ASIP: variants seen among roughly 807,000 people sequenced by gnomAD.
ASIP encodes the protein agouti signaling protein, also known as agouti-signaling protein.
In ASIP, 11 loss-of-function variants were observed where a neutral mutation model predicts 10.3. The observed-to-expected ratio is 1.07, with a 90% CI of 0.68 to 1.78. The LOEUF is 1.78. Among genes scored for constraint, ASIP ranks in the 40% most tolerant of loss-of-function variants. ASIP has a pLI of 0.00. For missense variants in ASIP, 180 were observed against 169.2 expected (o/e 1.06, Z -0.35); for synonymous variants, 70 against 70.8 (o/e 0.99, Z 0.06).
chr20:34,198,386 G>C (rs899544226), intron 1 of ASIP, among the ~76,000 whole-genome samples: 2 of 151,940 alleles, frequency 1.3e-5, no homozygotes, highest in Non-Finnish European at 2.9e-5. Context: ...CACCGAGCCC[G>C]GTCATTGCTT....
At chr20:34,216,366 G>A (rs2035009074) in intron 1 of ASIP, among the ~76,000 whole-genome samples, 1 of 152,232 alleles carries the variant, frequency 6.6e-6, no homozygotes, top group Non-Finnish European at 1.5e-5. Context: ...CAGCCCGCGG[G>A]CTGGGGCCGT....
chr20:34,240,097 A>G (rs955718845), upstream of ASIP, among the ~76,000 whole-genome samples: 1 of 152,200 alleles, frequency 6.6e-6, no homozygotes, highest in Non-Finnish European at 1.5e-5. Flanking sequence ...GAAATGTTCT[A>G]TACTGTTTTG....
intron 1 of ASIP, among the ~76,000 whole-genome samples, chr20:34,223,382 C>T (rs1260125075): frequency 4.6e-5 from 7 of 151,288 alleles, no homozygotes. Context: ...TGAGGAGACC[C>T]TCTGCCTGGC....
At chr20:34,240,294 C>G (rs568014853), upstream of ASIP, among the ~76,000 whole-genome samples, 2 of 152,160 alleles carry the variant, frequency 1.3e-5, no homozygotes, top group African/African-American at 4.8e-5. Flanking sequence ...AGCAGCTGGG[C>G]TTGTGAAAAA....
intron 1 of ASIP, among the ~76,000 whole-genome samples, chr20:34,249,589 G>A (rs947928461): frequency 6.6e-6 from 1 of 152,144 alleles, no homozygotes; most frequent in Admixed American, 6.5e-5. Context: ...CCAATGGCTT[G>A]GTTTAATGCT....
chr20:34,240,332 C>T (rs1374117254), upstream of ASIP, among the ~76,000 whole-genome samples: 2 of 152,072 alleles, frequency 1.3e-5, no homozygotes, highest in Non-Finnish European at 2.9e-5. Flanking sequence ...GTGCTGTGCC[C>T]CAAGTGCTTC....
chr20:34,215,303 T>G, intron 1 of ASIP: 1 of 1,541,678 alleles, frequency 6.5e-7, no homozygotes, highest in Non-Finnish European at 9.0e-7. Context: ...TCAGAATTAG[T>G]ATACTGATAA....
At chr20:34,246,459 G>T in intron 1 of ASIP, 1 of 1,402,058 alleles carries the variant, frequency 7.1e-7, no homozygotes. Context: ...AGGACTCGAA[G>T]TGGGTAATTG....
chr20:34,190,530 TC>T (rs2034818489), upstream of ASIP, among the ~76,000 whole-genome samples: 7 of 152,104 alleles, frequency 4.6e-5, no homozygotes, highest in Non-Finnish European at 1.0e-4. Flanking sequence ...TTTAGATCTC[TC>T]TCCTGACCTT....
At chr20:34,258,697 T>TATATATATATATTATATATATTATAAA (rs2035623136) in intron 1 of ASIP, among the ~76,000 whole-genome samples, 1 of 13,134 alleles carries the variant, frequency 7.6e-5, no homozygotes, top group African/African-American at 1.1e-4. Context: ...ATATACATAC[T>TATATATATATATTATATATATTATAAA]ATATATATAT....
chr20:34,189,584 G>A (rs144532396), upstream of ASIP, among the ~76,000 whole-genome samples: 31 of 152,248 alleles, frequency 2.0e-4, 1 homozygote, highest in Middle Eastern at 3.4e-3. Flanking sequence ...GAAGCCACAC[G>A]GATGAACAGC....
the ASIP span, among the ~76,000 whole-genome samples, chr20:34,188,675 T>C: frequency 9.6e-3 from 1,470 of 152,356 alleles, 11 homozygotes; most frequent in Non-Finnish European, 0.015. Context: ...TTTTCCAATT[T>C]ACACGAATGT....
upstream of ASIP, among the ~76,000 whole-genome samples, chr20:34,239,408 G>A (rs2035254038): frequency 6.6e-6 from 1 of 151,924 alleles, no homozygotes; most frequent in African/African-American, 2.4e-5. Context: ...GTAGAGACGG[G>A]GTATCACCAT....
intron 3 of ASIP, among the ~76,000 whole-genome samples, chr20:34,268,758 C>T (rs59595005): frequency 2.0e-5 from 3 of 149,926 alleles, no homozygotes; most frequent in African/African-American, 4.9e-5. Context: ...AACAAACAAA[C>T]AAAAAAAACA....
intron 1 of ASIP, among the ~76,000 whole-genome samples, chr20:34,256,962 T>A (rs2035579695): frequency 6.6e-6 from 1 of 152,132 alleles, no homozygotes; most frequent in African/African-American, 2.4e-5. Context: ...CTTTTGTTAA[T>A]CAGAGCTTCC....
chr20:34,262,766 C>G, intron 2 of ASIP, 66 bp from the exon 3 acceptor site: 1 of 1,585,766 alleles, frequency 6.3e-7, no homozygotes. Context: ...CTCTGCCCCT[C>G]TCACTTCACT....
chr20:34,216,111 G>T (rs1337323113), intron 1 of ASIP, among the ~76,000 whole-genome samples: 1 of 152,230 alleles, frequency 6.6e-6, no homozygotes, highest in Admixed American at 6.5e-5. Flanking sequence ...CAGCGCCAAC[G>T]CCAGAGACGG....
At chr20:34,257,076 T>TTG (rs1555826625) in intron 1 of ASIP, among the ~76,000 whole-genome samples, 4 of 151,110 alleles carry the variant, frequency 2.6e-5, no homozygotes, top group African/African-American at 4.9e-5. Flanking sequence ...TTCTCTTTTT[T>TTG]TTTTTTGTTT....
chr20:34,190,099 A>G (rs2034815986), upstream of ASIP, among the ~76,000 whole-genome samples: 1 of 152,178 alleles, frequency 6.6e-6, no homozygotes, highest in Non-Finnish European at 1.5e-5. Context: ...AAGAGCTTCA[A>G]GTGCTCTTAG....
Sources: allele counts gnomAD v4.1 joint callset (sites outside exome capture counted in the v4.1 genomes callset), GRCh38; gene constraint gnomAD v4.1.1; transcripts MANE v1.5; gene names NCBI Gene and HGNC (gene_info 2026-07-23, HGNC 2026-07-21).